The following SYNPO2 variants were observed in gnomAD, a reference collection of about 807,000 sequenced individuals.
SYNPO2 encodes synaptopodin-2.
A neutral mutation model predicts 85.0 loss-of-function variants in SYNPO2; 56 were observed. That is an observed-to-expected ratio of 0.66 (90% CI 0.53 to 0.82). The LOEUF (loss-of-function observed/expected upper bound fraction) is 0.82, where lower values mean the gene tolerates loss of function less well. Among genes scored for constraint, SYNPO2 ranks in the 40% least tolerant of loss-of-function variants. The pLI is 0.00. For synonymous variants in SYNPO2, 602 were observed against 591.1 expected, an observed-to-expected ratio of 1.02 and a Z score of -0.27; for missense variants, 1,575 against 1,534.2, an observed-to-expected ratio of 1.03 and a Z score of -0.44.
intron 1 of SYNPO2, among the ~76,000 whole-genome samples, chr4:118,965,218 G>GAGCAC (rs1268398782): frequency 6.6e-6 from 1 of 152,072 alleles, no homozygotes; most frequent in African/African-American, 2.4e-5. Context: ...GGTCATGGGA[G>GAGCAC]AGCACAGCAA....
At position 119,027,356 on chromosome 4, in the gene SYNPO2, A is replaced by C. The variant is rs777691663; in HGVS notation, c.987A>C (p.Ser329=). 1 of 1,613,968 alleles carries C rather than the reference A, an allele frequency of 6.2e-7. No homozygotes were observed. The highest frequency in any genetic ancestry group is 1.1e-5 in the South Asian group (1 of 91,078). The change falls in exon 3 of 5, where the codon TCA becomes TCC. Residue 329 remains serine (S), a synonymous_variant. Coordinates refer to ENST00000307142, the MANE Select transcript of SYNPO2 (RefSeq NM_133477.3). ...CTTCTCTGGTATCCTTTGCCGTCTC[A>C]TCAGAAGGCACAGAGCAGGGAGAAG... ...APPSLVSFAV[S]SEGTEQGEDP... is the part of the protein sequence containing the mutation.
rs1294524372 is a variant in SYNPO2 at position 119,028,218 on chromosome 4, G to GT, written c.1069+783dup. Among the ~76,000 whole-genome samples, 91 of 108,742 alleles carry GT rather than the reference G, an allele frequency of 8.4e-4. 1 individual carries two copies. Among genetic ancestry groups the GT allele is most frequent in the African/African-American group, 2.9e-3 (83 of 28,998 alleles). The allele number at this position is 108,742 out of a possible 152,430, so 71.3% of individuals were successfully genotyped here. On this transcript the variant is annotated intron_variant, in intron 3 of 4. Coordinates refer to ENST00000307142, the MANE Select transcript of SYNPO2 (RefSeq NM_133477.3). Reference sequence around the variant, plus strand: ...ATTGTTTTATTTCACGTTTATTTTTGTTTGTTTTTTTTTTTTTTTTTACTA... The same window carrying GT: ...ATTGTTTTATTTCACGTTTATTTTTGTTTTGTTTTTTTTTTTTTTTTTACTA...
chr4:118,909,248 A>T (rs1365069465), intron 1 of SYNPO2, among the ~76,000 whole-genome samples: 1 of 152,246 alleles, frequency 6.6e-6, no homozygotes, highest in East Asian at 1.9e-4. Context: ...ACGGGGGATG[A>T]GAACTGACAT....
intron 1 of SYNPO2, among the ~76,000 whole-genome samples, chr4:118,956,582 T>C (rs1734883886): frequency 6.6e-6 from 1 of 152,222 alleles, no homozygotes; most frequent in African/African-American, 2.4e-5. Context: ...TAATCAGCAA[T>C]GCTTATCGAG....
chr4:118,889,104 G>A lies in SYNPO2; in HGVS notation c.68G>A (p.Gly23Asp), dbSNP rs371874744. Residue 23 changes from glycine to aspartate, a missense_variant, in exon 1 of 5, where the codon GGT (glycine) becomes GAT (aspartate). By Grantham distance (94) the Gly-to-Asp change is moderately conservative. Around this residue, in one of 3 missense-constraint regions of SYNPO2, gnomAD observed 55 missense variants for 55.5 expected, o/e 0.99. Transcript: ENST00000307142. The stretch of plus-strand genomic sequence containing the variant: ...GCGCCCTGGGGGTTCAGATTGCAAG[G>A]TGGCAAGGAGCAGAAGCAGCCCTTA... ...GGAPWGFRLQ[G>D]GKEQKQPLQV... 10 of 1,614,080 alleles carry A rather than the reference G, an allele frequency of 6.2e-6. No homozygotes were observed. Among genetic ancestry groups the A allele is most frequent in the Non-Finnish European group, 8.5e-6 (10 of 1,180,032 alleles).
At chr4:118,969,523 T>A (rs1044016521) in intron 1 of SYNPO2, among the ~76,000 whole-genome samples, 1 of 152,178 alleles carries the variant, frequency 6.6e-6, no homozygotes, top group African/African-American at 2.4e-5. Context: ...TTATATCCCA[T>A]TGGAGAAGGC....
chr4:119,023,369 G>A lies in SYNPO2; in HGVS notation c.106-61G>A, dbSNP rs1737812887. On this transcript the variant is annotated intron_variant, in intron 1 of 4. Coordinates refer to ENST00000307142, the MANE Select transcript of SYNPO2 (RefSeq NM_133477.3). ...GTTGACAGATTTGTTTCTCAGAGATGGTGGCTTGCTTTTTACAAATTATAT... is the reference window on the plus strand; with the variant it reads ...GTTGACAGATTTGTTTCTCAGAGATAGTGGCTTGCTTTTTACAAATTATAT... The A allele has an allele frequency of 2.0e-6, 3 of 1,505,934 alleles. No homozygotes were observed. In the East Asian group the frequency reaches 7.1e-5, roughly 36 times the overall value. 93.3% of individuals were successfully genotyped at this position (1,505,934 alleles called of 1,614,324 possible).
chr4:119,008,442 T>A (rs1327972572), intron 1 of SYNPO2, among the ~76,000 whole-genome samples: 1 of 151,720 alleles, frequency 6.6e-6, no homozygotes, highest in East Asian at 1.9e-4. Context: ...AGGCTTTTTT[T>A]TTTTTTTCCT....
Position 118,868,188 on chromosome 4 carries a change from C to A in SYNPO2, c.12+17248C>A, listed in dbSNP as rs183834262. On this transcript the variant is annotated intron_variant, in intron 1 of 4. Transcript: ENST00000610556. The stretch of plus-strand genomic sequence containing the variant: ...GATGCTCTTGTAAAACATTTTATTT[C>A]TCCAAAACTGTAACACACCTGGTCT... Among the ~76,000 whole-genome samples, 17 of 151,130 alleles carry A rather than the reference C, an allele frequency of 1.1e-4. No homozygotes were observed. In the East Asian group the frequency reaches 3.3e-3, roughly 29 times the overall value.
At position 118,916,923 on chromosome 4, in the gene SYNPO2, CAG is replaced by C. The variant is rs535215130; in HGVS notation, c.105+27785_105+27786del. The stretch of plus-strand genomic sequence containing the variant: ...AATCTTTTTTTATTTTTAGTAGAGA[CAG>C]AGTCTTGCTCTGTTGTCCAGGCTGG... On this transcript the variant is annotated intron_variant, in intron 1 of 4. Coordinates refer to ENST00000307142, the MANE Select transcript of SYNPO2 (RefSeq NM_133477.3). Among the ~76,000 whole-genome samples the C allele has an allele frequency of 1.3e-4, 20 of 151,972 alleles. No individual in the cohort carries two copies. In the South Asian group the frequency reaches 4.2e-3, roughly 32 times the overall value.
chr4:119,038,470 G>C (rs1738605723), intron 4 of SYNPO2: 1 of 985,226 alleles, frequency 1.0e-6, no homozygotes, highest in African/African-American at 1.7e-5. Context: ...GCTGGGAATG[G>C]GGAAGAATGT....
At chr4:118,865,488 G>A (rs928041771) in intron 1 of SYNPO2, among the ~76,000 whole-genome samples, 2 of 152,190 alleles carry the variant, frequency 1.3e-5, no homozygotes, top group Non-Finnish European at 2.9e-5. Flanking sequence ...GGATGGTGAA[G>A]GGACAATAAA....
intron 4 of SYNPO2, chr4:119,034,548 T>G: frequency 1.5e-5 from 15 of 985,562 alleles, no homozygotes; most frequent in Non-Finnish European, 1.8e-5. Context: ...ATGTCAGGCA[T>G]GCAGTAAAAG....
chr4:118,881,301 CAAA>C (rs765003546), intron 1 of SYNPO2, among the ~76,000 whole-genome samples: 8 of 114,014 alleles, frequency 7.0e-5, no homozygotes, highest in Non-Finnish European at 1.1e-4. Flanking sequence ...AACTCCGTCT[CAAA>C]AAAAAAAAAA....
At chr4:118,904,984 A>C (rs1215843553) in intron 1 of SYNPO2, among the ~76,000 whole-genome samples, 1 of 152,186 alleles carries the variant, frequency 6.6e-6, no homozygotes. Flanking sequence ...GGTCTCCAGT[A>C]TTTTGGCTGC....
At chr4:118,963,054 G>C (rs538198904) in intron 1 of SYNPO2, among the ~76,000 whole-genome samples, 1 of 152,310 alleles carries the variant, frequency 6.6e-6, no homozygotes, top group Admixed American at 6.5e-5. Context: ...AAGTAATATA[G>C]AGAATAAGAG....
At chr4:118,880,838 A>G (rs1732075026) in intron 1 of SYNPO2, among the ~76,000 whole-genome samples, 1 of 151,904 alleles carries the variant, frequency 6.6e-6, no homozygotes, top group Non-Finnish European at 1.5e-5. Flanking sequence ...AATTATCTTC[A>G]CTCTTTCTGA....
At chr4:118,961,782 A>G (rs1380734237) in intron 1 of SYNPO2, among the ~76,000 whole-genome samples, 4 of 152,342 alleles carry the variant, frequency 2.6e-5, no homozygotes, top group African/African-American at 9.6e-5. Flanking sequence ...AATGTAAAAC[A>G]ATAGAAGATA....
chr4:118,879,410 T>C (rs929776686), intron 1 of SYNPO2, among the ~76,000 whole-genome samples: 3 of 152,176 alleles, frequency 2.0e-5, no homozygotes, highest in African/African-American at 7.2e-5. Context: ...AGTGGGGCTG[T>C]GCGAAGGTAA....
Sources: gnomAD v4.1 joint callset for allele counts (sites outside exome capture counted in the v4.1 genomes callset) on GRCh38, gnomAD v4.1.1 for gene constraint, gnomAD v4.1.1 regional missense constraint, MANE v1.5 for transcripts, NCBI Gene and HGNC (gene_info 2026-07-23, HGNC 2026-07-21) for gene names.